The following BAG4 variants were observed in gnomAD, a reference collection of about 807,000 sequenced individuals.
BAG4 encodes BAG cochaperone 4.
Under a neutral mutation model 52.1 loss-of-function variants are expected in BAG4, and 28 were observed. That is an observed-to-expected ratio of 0.54 (90% CI 0.40 to 0.74). The LOEUF (loss-of-function observed/expected upper bound fraction) is 0.74. BAG4 is among the 30% of genes least tolerant of loss of function. The pLI is 0.00. For synonymous variants in BAG4, 208 were observed against 217.0 expected, an observed-to-expected ratio of 0.96 and a Z score of 0.37; for missense variants, 525 against 572.0, an observed-to-expected ratio of 0.92 and a Z score of 0.84.
At chr8:38,209,520 C>T (rs1803832896) in intron 4 of BAG4, 4 of 514,580 alleles carry the variant, frequency 7.8e-6, no homozygotes, top group African/African-American at 3.9e-5. Context: ...TGTTGTAATT[C>T]TTCTAAACGT....
intron 2 of BAG4, among the ~76,000 whole-genome samples, chr8:38,199,789 C>T (rs567752482): frequency 3.8e-4 from 58 of 152,198 alleles, no homozygotes; most frequent in Admixed American, 1.0e-3. Flanking sequence ...TCCCAAAGTG[C>T]TGGGATTACA....
rs749833811 is a variant in BAG4, at chr8:38,207,666, A to G, written c.533A>G (p.Asn178Ser). ...EVPSTYRSSG[N>S]SPTPVSRWIY... ...CCAAGTACTTACCGTTCATCTGGCA[A>G]CAGCCCAACTCCAGTCTCTCGTTGG... Residue 178 changes from asparagine (N) to serine (S), a missense_variant, in exon 3 of 5, where the codon AAC (asparagine) becomes AGC (serine). Asn to Ser is a conservative substitution (Grantham distance 46). Coordinates refer to ENST00000287322, the MANE Select transcript of BAG4 (RefSeq NM_004874.4). The G allele has an allele frequency of 1.9e-6, 3 of 1,614,146 alleles. No individual in the cohort carries two copies. Among genetic ancestry groups the G allele is most frequent in the Non-Finnish European group, 1.7e-6 (2 of 1,180,022 alleles).
At chr8:38,185,309 A>G (rs147621315) in intron 1 of BAG4, among the ~76,000 whole-genome samples, 2 of 152,294 alleles carry the variant, frequency 1.3e-5, no homozygotes, top group South Asian at 4.1e-4. Context: ...CAAATTTAAC[A>G]TTATAGGAAT....
At chr8:38,191,486 G>A (rs927630183) in intron 1 of BAG4, among the ~76,000 whole-genome samples, 4 of 152,132 alleles carry the variant, frequency 2.6e-5, no homozygotes, top group South Asian at 2.1e-4. Context: ...GGCGGGCACA[G>A]TGTGGCTCAC....
chr8:38,210,670 T>TGTTTTCA lies in BAG4; in HGVS notation c.*186_*192dup. On this transcript the variant is annotated 3_prime_UTR_variant, in exon 5 of 5. Coordinates refer to ENST00000287322, the MANE Select transcript of BAG4 (RefSeq NM_004874.4). ...ATGGAAGAATATTTTAGTCATGAGT[T>TGTTTTCA]GTTTTCAGTTTTCAGACGAATGAAT... 1.2e-6 allele frequency: 1 copy of TGTTTTCA among 842,926 alleles called. No individual in the cohort carries two copies. The highest frequency in any genetic ancestry group is 2.4e-5 in the South Asian group (1 of 40,840). 52.2% of individuals were successfully genotyped at this position (842,926 alleles called of 1,614,324 possible).
chr8:38,194,923 C>T (rs1465837069), intron 2 of BAG4, among the ~76,000 whole-genome samples: 8 of 144,372 alleles, frequency 5.5e-5, no homozygotes, highest in Non-Finnish European at 9.0e-5. Flanking sequence ...GGCGCGACCT[C>T]GGCTCACTGC....
intron 2 of BAG4, 146 bp downstream of exon 2, chr8:38,192,941 A>G (rs1803500545): frequency 1.8e-6 from 1 of 558,922 alleles, no homozygotes; most frequent in Non-Finnish European, 3.0e-6. Context: ...TAATGTTTTT[A>G]GCTCAGAGAT....
At chr8:38,193,621 A>C (rs1803513638) in intron 2 of BAG4, among the ~76,000 whole-genome samples, 1 of 151,650 alleles carries the variant, frequency 6.6e-6, no homozygotes. Context: ...GCTGGAGTGC[A>C]GTGGTATGAT....
At chr8:38,208,682 C>T (rs1032134446) in intron 3 of BAG4, among the ~76,000 whole-genome samples, 1 of 152,106 alleles carries the variant, frequency 6.6e-6, no homozygotes, top group South Asian at 2.1e-4. Context: ...GGAGTTCTAA[C>T]ATGTCTTTAT....
At chr8:38,181,212 A>C (rs1443130381) in intron 1 of BAG4, among the ~76,000 whole-genome samples, 1 of 141,718 alleles carries the variant, frequency 7.1e-6, no homozygotes, top group African/African-American at 2.6e-5. Context: ...TACAGGCGTG[A>C]GCCACCGCGC....
At chr8:38,188,321 A>C (rs1193963308) in intron 1 of BAG4, among the ~76,000 whole-genome samples, 1 of 151,090 alleles carries the variant, frequency 6.6e-6, no homozygotes. Flanking sequence ...AAAAAAAAAC[A>C]AGATCCAATT....
intron 2 of BAG4, among the ~76,000 whole-genome samples, chr8:38,194,635 C>T (rs1473820848): frequency 1.3e-5 from 2 of 150,524 alleles, no homozygotes; most frequent in African/African-American, 2.4e-5. Context: ...AGGCTGGTCT[C>T]GAACTCCTGA....
intron 2 of BAG4, 34 bp from the exon 3 acceptor site, chr8:38,207,478 T>C (rs914080638): frequency 1.3e-6 from 2 of 1,597,200 alleles, no homozygotes; most frequent in Admixed American, 3.4e-5. Context: ...TTCTACTAAT[T>C]CATCTTTTTT....
chr8:38,203,709 C>A (rs899196777), intron 2 of BAG4, among the ~76,000 whole-genome samples: 2 of 151,768 alleles, frequency 1.3e-5, no homozygotes, highest in African/African-American at 2.4e-5. Flanking sequence ...GTGGCTCATA[C>A]CTGTAGTCCA....
intron 1 of BAG4, 78 bp downstream of exon 1, chr8:38,177,217 C>A: frequency 1.3e-6 from 2 of 1,559,844 alleles, no homozygotes; most frequent in East Asian, 2.3e-5. Flanking sequence ...GGGTTTCATA[C>A]TTGTTTTCCT....
chr8:38,194,060 TG>T (rs1803522440), intron 2 of BAG4, among the ~76,000 whole-genome samples: 1 of 151,952 alleles, frequency 6.6e-6, no homozygotes, highest in Non-Finnish European at 1.5e-5. Flanking sequence ...TTAGTAGAGA[TG>T]GGGTTTCACC....
chr8:38,176,890 G>T lies in BAG4; in HGVS notation c.21G>T (p.Ser7=), dbSNP rs1803164061. The part of the protein sequence containing the change: MSALRR[S]GYGPSDGPSY... ...ATCCCATGTCGGCCCTGAGGCGCTC[G>T]GGCTACGGCCCCAGTGACGGTCCGT... Residue 7 remains serine, a synonymous_variant, in exon 1 of 5, where the codon TCG becomes TCT. Coordinates refer to ENST00000287322, the MANE Select transcript of BAG4 (RefSeq NM_004874.4). 2 of 1,540,922 alleles carry T rather than the reference G, an allele frequency of 1.3e-6. No homozygotes were observed. The highest frequency in any genetic ancestry group is 1.8e-6 in the Non-Finnish European group (2 of 1,142,330).
At chr8:38,209,641 TCA>T (rs1429155361) in intron 4 of BAG4, 1 of 360,704 alleles carries the variant, frequency 2.8e-6, no homozygotes, top group Non-Finnish European at 5.0e-6. Flanking sequence ...TTGAACATTA[TCA>T]CTTGTGGCTG....
chr8:38,192,610 T>TC (rs1803494801), intron 1 of BAG4, 78 bp from the exon 2 acceptor site: 7 of 1,158,366 alleles, frequency 6.0e-6, no homozygotes, highest in Non-Finnish European at 8.5e-6. Context: ...TTAATCCTTA[T>TC]AACCTGCCTC....
Sources: gnomAD v4.1 joint callset for allele counts (sites outside exome capture counted in the v4.1 genomes callset) on GRCh38, gnomAD v4.1.1 for gene constraint, MANE v1.5 for transcripts, NCBI Gene and HGNC (gene_info 2026-07-23, HGNC 2026-07-21) for gene names.